Variants in STK32B observed in about 807,000 individuals in gnomAD.
STK32B encodes the protein serine/threonine kinase 32B, also known as serine/threonine-protein kinase 32B.
STK32B carries 43 observed loss-of-function variants against 52.6 expected under a neutral mutation model. The ratio of observed to expected loss-of-function variants is 0.82; its 90% CI spans 0.64 to 1.05. STK32B has a LOEUF of 1.05. Ranked by LOEUF, STK32B falls within the 50% of genes least tolerant of loss-of-function variation. The pLI, the probability that STK32B is intolerant of heterozygous loss-of-function variation, is 0.00. For missense variants in STK32B, 621 were observed against 534.6 expected, an observed-to-expected ratio of 1.16 and a Z score of -1.59; for synonymous variants, 238 against 204.3, an observed-to-expected ratio of 1.17 and a Z score of -1.41.
intron 4 of STK32B, among the ~76,000 whole-genome samples, chr4:5,334,204 G>A (rs1470778522): frequency 6.6e-6 from 1 of 151,976 alleles, no homozygotes; most frequent in African/African-American, 2.4e-5. Flanking sequence ...TCCCTTGTAA[G>A]TTGGATTCCT....
Position 5,460,140 on chromosome 4 carries a change from T to G in STK32B, c.821T>G (p.Leu274Arg). The G allele has an allele frequency of 6.2e-7, 1 of 1,614,188 alleles. No homozygotes were observed. Among genetic ancestry groups the G allele is most frequent in the Non-Finnish European group, 8.5e-7 (1 of 1,180,038 alleles). The change falls in exon 9 of 12, where the codon CTT (leucine) becomes CGT (arginine). Residue 274 changes from leucine to arginine, a missense_variant. Leu to Arg is a moderately radical substitution (Grantham distance 102, BLOSUM62 -2). Coordinates refer to ENST00000282908, the MANE Select transcript of STK32B (RefSeq NM_018401.3). The surrounding 1 kb of genome is among the most constrained non-coding windows in gnomAD (Gnocchi z 4.8). ...TKDPESRVSS[L>R]HDIQSVPYLA... Reference sequence around the variant, plus strand: ...GATCCTGAGAGCCGCGTGTCCAGCCTTCATGACATACAGAGCGTGCCCTAC... The same window carrying G: ...GATCCTGAGAGCCGCGTGTCCAGCCGTCATGACATACAGAGCGTGCCCTAC...
At position 5,469,011 on chromosome 4, in the gene STK32B, A is replaced by G. The variant is rs1342809745; in HGVS notation, c.1106+941A>G. ...CTTGCAGTGAGCCGAGATCGCGCAC[A>G]CTGCACTCCAGCCTGGGCGACAGAG... On this transcript the variant is annotated intron_variant, in intron 11 of 11. Transcript: ENST00000282908. The surrounding 1 kb of genome is among the most constrained non-coding windows in gnomAD (Gnocchi z 4.7). Among the ~76,000 whole-genome samples the G allele has an allele frequency of 6.6e-6, 1 of 150,662 alleles. No homozygotes were observed. Among genetic ancestry groups the G allele is most frequent in the Non-Finnish European group, 1.5e-5 (1 of 67,860 alleles).
rs191480512 is a variant in STK32B at position 5,389,656 on chromosome 4, A to T, written c.435-8551A>T. On this transcript the variant is annotated intron_variant, in intron 4 of 11. Coordinates refer to ENST00000282908, the MANE Select transcript of STK32B (RefSeq NM_018401.3). ...AGAGACACTGGGAATAGGGACCTCC[A>T]CAAAGGAATTTGGAGGAACACGATT... is the stretch of plus-strand genomic sequence containing the variant. Among the ~76,000 whole-genome samples the T allele has an allele frequency of 1.2e-4, 18 of 152,328 alleles. No individual in the cohort carries two copies. In the East Asian group the frequency reaches 3.5e-3, roughly 29 times the overall value.
intron 1 of STK32B, among the ~76,000 whole-genome samples, chr4:5,134,127 G>A (rs1244000365): frequency 6.6e-6 from 1 of 152,192 alleles, no homozygotes; most frequent in Non-Finnish European, 1.5e-5. Context: ...ACTGGGCCAG[G>A]TGTGACAGTG....
At chr4:5,061,168 T>C (rs573728905) in intron 1 of STK32B, among the ~76,000 whole-genome samples, 1 of 152,374 alleles carries the variant, frequency 6.6e-6, no homozygotes, top group African/African-American at 2.4e-5. Context: ...GCTTTGACAA[T>C]ACTTCTTTGC....
Position 5,492,428 on chromosome 4 carries a change from A to G in STK32B, c.1107-6517A>G, listed in dbSNP as rs529503645. Among the ~76,000 whole-genome samples the G allele has an allele frequency of 3.3e-3, 496 of 152,228 alleles. 3 individuals are homozygous for G. The highest frequency in any genetic ancestry group is 0.011 in the African/African-American group (453 of 41,544). ...TGTGATTTTTGTACACTGATTTTGTATCCTGAGACTTTGCTGAAGTTGCTT... is the reference window on the plus strand; with the variant it reads ...TGTGATTTTTGTACACTGATTTTGTGTCCTGAGACTTTGCTGAAGTTGCTT... On this transcript the variant is annotated intron_variant, in intron 11 of 11. Transcript: ENST00000282908.
intron 1 of STK32B, among the ~76,000 whole-genome samples, chr4:5,130,688 C>T (rs753990952): frequency 2.6e-5 from 4 of 152,136 alleles, no homozygotes; most frequent in Admixed American, 1.3e-4. Context: ...GAGGTGAGGC[C>T]GCTTGAGCAA....
intron 1 of STK32B, among the ~76,000 whole-genome samples, chr4:5,067,007 C>G (rs1742451985): frequency 6.6e-6 from 1 of 152,156 alleles, no homozygotes; most frequent in South Asian, 2.1e-4. Flanking sequence ...AGTCTGTTTT[C>G]ACACTGCTGA....
At chr4:5,167,466 C>A (rs1258739171) in intron 2 of STK32B, among the ~76,000 whole-genome samples, 1 of 152,084 alleles carries the variant, frequency 6.6e-6, no homozygotes, top group Non-Finnish European at 1.5e-5. Flanking sequence ...TGTGCTCCCC[C>A]AGAACCCATG....
At chr4:5,184,327 C>T (rs1720575363) in intron 3 of STK32B, among the ~76,000 whole-genome samples, 1 of 152,102 alleles carries the variant, frequency 6.6e-6, no homozygotes, top group East Asian at 1.9e-4. Context: ...GAACAACCAG[C>T]GATGGAGCAT....
intron 4 of STK32B, among the ~76,000 whole-genome samples, chr4:5,370,609 C>T (rs1256992636): frequency 1.3e-5 from 2 of 152,126 alleles, no homozygotes; most frequent in African/African-American, 4.8e-5. Flanking sequence ...TGCCACAGAA[C>T]GTGGGTTGGA....
chr4:5,175,565 C>T (rs1395037893), intron 3 of STK32B, among the ~76,000 whole-genome samples: 1 of 152,200 alleles, frequency 6.6e-6, no homozygotes, highest in Non-Finnish European at 1.5e-5. Flanking sequence ...AATGGAGGTC[C>T]ACTCCAGACC....
At chr4:5,149,927 T>G (rs1178326831) in intron 2 of STK32B, among the ~76,000 whole-genome samples, 2 of 151,988 alleles carry the variant, frequency 1.3e-5, no homozygotes, top group Admixed American at 6.5e-5. Flanking sequence ...TTTATTCTCT[T>G]TATTTTATTT....
At chr4:5,316,059 G>A (rs1307420388) in intron 3 of STK32B, among the ~76,000 whole-genome samples, 1 of 135,676 alleles carries the variant, frequency 7.4e-6, no homozygotes, top group Admixed American at 7.9e-5. Context: ...TGTAATGTCT[G>A]TTTAGTTTTG....
In STK32B at chr4:5,106,412, A is replaced by G. The variant is rs534309038; in HGVS notation, c.53-33493A>G. On this transcript the variant is annotated intron_variant, in intron 1 of 11. Transcript: ENST00000282908. Reference sequence around the variant, plus strand: ...ATGTTTAAGATTTTTTTTATTGTCAACTATTACCATGTTAAAGAACTTTAC... The same window carrying G: ...ATGTTTAAGATTTTTTTTATTGTCAGCTATTACCATGTTAAAGAACTTTAC... Among the ~76,000 whole-genome samples the G allele has an allele frequency of 9.8e-5, 15 of 152,296 alleles. No homozygotes were observed. In the South Asian group the frequency reaches 2.1e-3, roughly 21 times the overall value.
intron 4 of STK32B, among the ~76,000 whole-genome samples, chr4:5,359,458 G>T (rs1221497126): frequency 7.0e-6 from 1 of 143,370 alleles, no homozygotes; most frequent in Non-Finnish European, 1.5e-5. Context: ...CCTACATCAT[G>T]CCAGTCTAAT....
rs187040362 is a variant in STK32B at position 5,121,503 on chromosome 4, G to A, written c.53-18402G>A. Among the ~76,000 whole-genome samples the A allele has an allele frequency of 1.2e-3, 182 of 152,284 alleles. 1 individual carries two copies. The highest frequency in any genetic ancestry group is 4.1e-3 in the African/African-American group (171 of 41,574). On this transcript the variant is annotated intron_variant, in intron 1 of 11. Coordinates refer to ENST00000282908, the MANE Select transcript of STK32B (RefSeq NM_018401.3). Reference sequence around the variant, plus strand: ...GGAAAAGCTGGCTCCAATTCTGTCTGTGCAATCAGGTCATTATAATAATAT... The same window carrying A: ...GGAAAAGCTGGCTCCAATTCTGTCTATGCAATCAGGTCATTATAATAATAT...
chr4:5,087,972 C>T (rs1340971826), intron 1 of STK32B, among the ~76,000 whole-genome samples: 1 of 152,030 alleles, frequency 6.6e-6, no homozygotes, highest in South Asian at 2.1e-4. Flanking sequence ...TAACAGTCCA[C>T]CTAACAACAG....
intron 4 of STK32B, among the ~76,000 whole-genome samples, chr4:5,338,285 A>G (rs750412376): frequency 5.3e-5 from 8 of 152,160 alleles, no homozygotes; most frequent in Admixed American, 3.9e-4. Flanking sequence ...TAGTAAAGAT[A>G]TTGTTCAGCG....
Sources: gnomAD v4.1 joint callset for allele counts (sites outside exome capture counted in the v4.1 genomes callset) on GRCh38, gnomAD v4.1.1 for gene constraint, Gnocchi (gnomAD v3.1) non-coding constraint, MANE v1.5 for transcripts, NCBI Gene and HGNC (gene_info 2026-07-23, HGNC 2026-07-21) for gene names.